Variants in CTNNA2 observed in about 807,000 individuals in gnomAD.
CTNNA2 encodes the protein catenin alpha 2.
CTNNA2 carries 42 observed loss-of-function variants against 101.0 expected under a neutral mutation model. The observed-to-expected ratio is 0.42, with a 90% CI of 0.32 to 0.54. The LOEUF (loss-of-function observed/expected upper bound fraction) is 0.54. Ranked by LOEUF, CTNNA2 falls within the 20% of genes least tolerant of loss-of-function variation. The probability of loss-of-function intolerance (pLI) is 0.14; values close to 1 mark genes in which losing one functional copy is unlikely to be tolerated. For missense variants in CTNNA2, 871 were observed against 1,223.1 expected (o/e 0.71, Z 4.29); for synonymous variants, 450 against 456.4 (o/e 0.99, Z 0.18).
chr2:79,234,347 A>T (rs890866589), intron 2 of CTNNA2, among the ~76,000 whole-genome samples: 2 of 152,130 alleles, frequency 1.3e-5, no homozygotes, highest in Non-Finnish European at 2.9e-5. Flanking sequence ...TTCTTTAAGA[A>T]TGCTGTAAAG....
intron 9 of CTNNA2, among the ~76,000 whole-genome samples, chr2:80,423,413 C>T (rs1055953786): frequency 6.6e-6 from 1 of 152,028 alleles, no homozygotes; most frequent in African/African-American, 2.4e-5. Flanking sequence ...ATACTCAAAA[C>T]TTATATATTG....
upstream of CTNNA2, among the ~76,000 whole-genome samples, chr2:79,510,926 T>C (rs1180068254): frequency 6.6e-6 from 1 of 152,212 alleles, no homozygotes; most frequent in East Asian, 1.9e-4. Context: ...TCTACATTAT[T>C]TAATTGCAAT....
chr2:79,374,320 A>G (rs537763823), intron 4 of CTNNA2, among the ~76,000 whole-genome samples: 79 of 152,290 alleles, frequency 5.2e-4, no homozygotes, highest in African/African-American at 1.7e-3. Context: ...GCAAAGGGGC[A>G]TGGATCTGGT....
chr2:79,362,558 A>T (rs1677655662), intron 3 of CTNNA2, among the ~76,000 whole-genome samples: 1 of 152,178 alleles, frequency 6.6e-6, no homozygotes, highest in African/African-American at 2.4e-5. Flanking sequence ...GCCCCTGAGT[A>T]GATATAGTAA....
At chr2:80,232,268 G>A (rs183742784) in intron 7 of CTNNA2, among the ~76,000 whole-genome samples, 13 of 147,802 alleles carry the variant, frequency 8.8e-5, no homozygotes, top group South Asian at 2.2e-4. Context: ...ACAGGTCATC[G>A]TCCTCATATT....
At chr2:79,374,098 T>C (rs1677931793) in intron 4 of CTNNA2, 1 of 153,808 alleles carries the variant, frequency 6.5e-6, no homozygotes, top group African/African-American at 2.4e-5. Flanking sequence ...ATGCTCATGA[T>C]AGGATTTGCC....
Position 79,874,306 on chromosome 2 carries a change from C to A in CTNNA2, c.816C>A (p.Gly272=), listed in dbSNP as rs1040206412. The stretch of plus-strand genomic sequence containing the variant: ...CTGACGAAGCCAAGGGCCACACGGG[C>A]ATCGGCGAGCTGGCTGCGGCTCTTA... ...SPTDEAKGHT[G]IGELAAALNE... is the part of the protein sequence containing the mutation. The change falls in exon 6 of 19, where the codon GGC becomes GGA. Residue 272 remains glycine (G), a synonymous_variant. Transcript: ENST00000402739. 6.2e-7 allele frequency: 1 copy of A among 1,613,962 alleles called. No individual in the cohort carries two copies. Among genetic ancestry groups the A allele is most frequent in the Admixed American group, 1.7e-5 (1 of 60,012 alleles).
chr2:79,290,062 C>T (rs577518862), intron 2 of CTNNA2, among the ~76,000 whole-genome samples: 5 of 152,178 alleles, frequency 3.3e-5, no homozygotes, highest in Admixed American at 3.3e-4. Context: ...ACTCAGGTGC[C>T]CACTGTGCAT....
chr2:79,914,762 T>C (rs563495134), intron 7 of CTNNA2, among the ~76,000 whole-genome samples: 1 of 152,334 alleles, frequency 6.6e-6, no homozygotes, highest in Non-Finnish European at 1.5e-5. Flanking sequence ...TGTATATTTT[T>C]TTAAATTTTG....
At chr2:80,334,457 A>C (rs1671607072) in intron 7 of CTNNA2, among the ~76,000 whole-genome samples, 3 of 152,182 alleles carry the variant, frequency 2.0e-5, no homozygotes, top group Admixed American at 2.0e-4. Flanking sequence ...GTGAATATGT[A>C]ATTCATTTTT....
At position 80,070,126 on chromosome 2, in the gene CTNNA2, A is replaced by T. The variant is rs76984880; in HGVS notation, c.1056+160329A>T. ...CTTCTCAGTCTATTCACTCATAGGC[A>T]CATTTAACCCTTTAGAGTAGTGGGT... On this transcript the variant is annotated intron_variant, in intron 7 of 18. Coordinates refer to ENST00000402739, the MANE Select transcript of CTNNA2 (RefSeq NM_001282597.3). Among the ~76,000 whole-genome samples, 1,097 of 152,342 alleles carry T rather than the reference A, an allele frequency of 7.2e-3. 13 individuals carry two copies. The highest frequency in any genetic ancestry group is 0.024 in the African/African-American group (1,014 of 41,586).
intron 7 of CTNNA2, among the ~76,000 whole-genome samples, chr2:79,914,191 A>C (rs1034998356): frequency 6.7e-6 from 1 of 148,150 alleles, no homozygotes; most frequent in African/African-American, 2.5e-5. Context: ...AAAAAAAAAG[A>C]AAGTAGCTTA....
At chr2:79,816,501 G>A (rs1233114636) in intron 3 of CTNNA2, among the ~76,000 whole-genome samples, 1 of 152,120 alleles carries the variant, frequency 6.6e-6, no homozygotes, top group Admixed American at 6.5e-5. Flanking sequence ...AAAGATGGGT[G>A]CAGGAAGAGT....
chr2:79,915,783 A>G (rs77621128), intron 7 of CTNNA2, among the ~76,000 whole-genome samples: 12,238 of 152,234 alleles, frequency 0.08, 527 homozygotes, highest in Middle Eastern at 0.12. Flanking sequence ...TTCTATATAA[A>G]TCTGATTTTT....
chr2:79,417,775 G>A (rs569399158), intron 4 of CTNNA2, among the ~76,000 whole-genome samples: 3 of 151,548 alleles, frequency 2.0e-5, no homozygotes, highest in African/African-American at 7.3e-5. Context: ...TTAGGAACTG[G>A]ATGTTGTATG....
chr2:79,827,245 G>T (rs1574071146), intron 3 of CTNNA2, among the ~76,000 whole-genome samples: 1 of 151,994 alleles, frequency 6.6e-6, no homozygotes. Flanking sequence ...TACCACATTG[G>T]CCAGGCTGTC....
intron 4 of CTNNA2, among the ~76,000 whole-genome samples, chr2:79,411,327 T>G (rs1415611747): frequency 3.9e-5 from 6 of 152,070 alleles, no homozygotes; most frequent in Non-Finnish European, 8.8e-5. Context: ...TTTAGTTATT[T>G]CTTGCCTTCT....
intron 3 of CTNNA2, among the ~76,000 whole-genome samples, chr2:79,828,015 T>C (rs1678577235): frequency 6.6e-6 from 1 of 152,234 alleles, no homozygotes; most frequent in African/African-American, 2.4e-5. Flanking sequence ...TTCTTTTCTT[T>C]GTTGATCTTT....
intron 7 of CTNNA2, among the ~76,000 whole-genome samples, chr2:79,925,534 T>C (rs982463520): frequency 1.3e-5 from 2 of 152,168 alleles, no homozygotes; most frequent in African/African-American, 4.8e-5. Flanking sequence ...ATGAAAGGAT[T>C]ATTTACTAGC....
Sources: gnomAD v4.1 joint callset for allele counts (sites outside exome capture counted in the v4.1 genomes callset) on GRCh38, gnomAD v4.1.1 for gene constraint, MANE v1.5 for transcripts, NCBI Gene and HGNC (gene_info 2026-07-23, HGNC 2026-07-21) for gene names.